The following EGFR variants were observed in gnomAD, a reference collection of about 807,000 sequenced individuals.
The protein encoded by EGFR is epidermal growth factor receptor.
In EGFR, 58 loss-of-function variants were observed where a neutral mutation model predicts 143.0. That is an observed-to-expected ratio of 0.41 (90% CI 0.33 to 0.50). The LOEUF (loss-of-function observed/expected upper bound fraction) is 0.50, where lower values mean the gene tolerates loss of function less well. Among genes scored for constraint, EGFR ranks in the 20% least tolerant of loss-of-function variants. The pLI is 0.39. For missense variants in EGFR, 1,307 were observed against 1,579.0 expected, an observed-to-expected ratio of 0.83 and a Z score of 2.92; for synonymous variants, 613 against 594.4, an observed-to-expected ratio of 1.03 and a Z score of -0.45.
chr7:55,153,206 C>G (rs1356785775), intron 6 of EGFR, among the ~76,000 whole-genome samples: 9 of 152,234 alleles, frequency 5.9e-5, no homozygotes, highest in African/African-American at 2.2e-4. Flanking sequence ...CTGAGCTGCA[C>G]CCTGCCCTCA....
At chr7:55,193,798 CT>C (rs2128966137) in intron 22 of EGFR, among the ~76,000 whole-genome samples, 2 of 152,246 alleles carry the variant, frequency 1.3e-5, no homozygotes, top group Middle Eastern at 3.4e-3. Flanking sequence ...GGATATCGTC[CT>C]TTTTTACTTA....
rs565519908 is a variant in EGFR, at chr7:55,170,818, T to C, written c.1881-357T>C. ...TAATTAGCATGGCCCCAGTCCATGC[T>C]TCTAGCCTTGGTTCCTTCTGCCCCT... On this transcript the variant is annotated intron_variant, in intron 15 of 27. Transcript: ENST00000275493. 3 of 1,419,998 alleles carry C rather than the reference T, an allele frequency of 2.1e-6. No homozygotes were observed. The African/African-American group carries it at 4.3e-5, about 20-fold the overall frequency. 88.0% of individuals were successfully genotyped at this position (1,419,998 alleles called of 1,614,324 possible). A position where few individuals can be genotyped will look rare whatever the true frequency, so the allele number is the denominator to read the frequency against.
At chr7:55,025,830 T>G (rs950884570) in intron 1 of EGFR, among the ~76,000 whole-genome samples, 2 of 152,224 alleles carry the variant, frequency 1.3e-5, no homozygotes, top group African/African-American at 4.8e-5. Flanking sequence ...TATCAGCAAC[T>G]GGTAATATAA....
At chr7:55,192,893 T>C in intron 22 of EGFR, 52 bp downstream of exon 22, 1 of 1,482,600 alleles carries the variant, frequency 6.7e-7, no homozygotes, top group African/African-American at 1.4e-5. Flanking sequence ...AAGCTGGCTT[T>C]TATTGTTAGT....
At chr7:55,181,208 T>C (rs2128958013) in intron 19 of EGFR, 85 bp from the exon 20 acceptor site, 1 of 1,493,150 alleles carries the variant, frequency 6.7e-7, no homozygotes, top group Admixed American at 1.7e-5. Flanking sequence ...ATCGCATTCA[T>C]GCGTCTTCAC....
At chr7:55,105,698 C>T (rs1792087758) in intron 1 of EGFR, among the ~76,000 whole-genome samples, 1 of 152,190 alleles carries the variant, frequency 6.6e-6, no homozygotes, top group Admixed American at 6.5e-5. Flanking sequence ...CAGGGTGAAT[C>T]ACAAAACATC....
intron 20 of EGFR, among the ~76,000 whole-genome samples, chr7:55,186,083 A>G (rs1787123883): frequency 6.6e-6 from 1 of 152,194 alleles, no homozygotes; most frequent in Admixed American, 6.5e-5. Context: ...TGGTGGTGCC[A>G]GCACATTCCA....
chr7:55,191,073 C>A (rs1195086743), intron 20 of EGFR, among the ~76,000 whole-genome samples: 4 of 152,188 alleles, frequency 2.6e-5, no homozygotes, highest in Non-Finnish European at 5.9e-5. Flanking sequence ...CTGCTTCTCA[C>A]ATATTATTCC....
chr7:55,070,760 A>G (rs1471918614), intron 1 of EGFR, among the ~76,000 whole-genome samples: 1 of 152,154 alleles, frequency 6.6e-6, no homozygotes, highest in Non-Finnish European at 1.5e-5. Flanking sequence ...CACATCCTAG[A>G]GCTTGGATTT....
At chr7:55,138,021 G>A (rs961368953) in intron 1 of EGFR, among the ~76,000 whole-genome samples, 2 of 152,168 alleles carry the variant, frequency 1.3e-5, no homozygotes, top group Admixed American at 1.3e-4. Context: ...TCTGGTTAGT[G>A]ATATACCAAT....
chr7:55,088,559 T>C (rs956003780), intron 1 of EGFR, among the ~76,000 whole-genome samples: 3 of 152,224 alleles, frequency 2.0e-5, no homozygotes, highest in African/African-American at 7.2e-5. Context: ...GCCTGGCACA[T>C]GCTTGTGTTA....
At chr7:55,189,614 TAGAG>T (rs1190361758) in intron 20 of EGFR, among the ~76,000 whole-genome samples, 5 of 152,252 alleles carry the variant, frequency 3.3e-5, no homozygotes, top group Admixed American at 1.3e-4. Flanking sequence ...GCATTTTAAA[TAGAG>T]AGGGAGAAAG....
intron 1 of EGFR, among the ~76,000 whole-genome samples, chr7:55,075,955 C>T (rs190982575): frequency 7.9e-5 from 12 of 152,256 alleles, no homozygotes; most frequent in Admixed American, 5.2e-4. Flanking sequence ...GCAAGCACAT[C>T]GCGTGGAAAT....
chr7:55,042,081 T>C (rs1787929459), intron 1 of EGFR, among the ~76,000 whole-genome samples: 1 of 152,136 alleles, frequency 6.6e-6, no homozygotes, highest in Admixed American at 6.6e-5. Context: ...ATCTTCTGAG[T>C]CCCCTTAGTA....
chr7:55,085,776 A>AT (rs1437473181), intron 1 of EGFR, among the ~76,000 whole-genome samples: 1 of 152,170 alleles, frequency 6.6e-6, no homozygotes, highest in Non-Finnish European at 1.5e-5. Context: ...GGCACTAGGT[A>AT]TTTTACACAT....
At chr7:55,043,215 G>A (rs1394926806) in intron 1 of EGFR, among the ~76,000 whole-genome samples, 1 of 152,242 alleles carries the variant, frequency 6.6e-6, no homozygotes, top group East Asian at 1.9e-4. Context: ...GAATGTTAAG[G>A]TCTAAACCAG....
chr7:55,155,483 G>A (rs6950826), intron 7 of EGFR, among the ~76,000 whole-genome samples: 80,413 of 151,948 alleles, frequency 0.53, 21,489 homozygotes, highest in African/African-American at 0.58. Context: ...TAAAAATAAC[G>A]CAGAAGTCTG....
intron 12 of EGFR, among the ~76,000 whole-genome samples, chr7:55,161,236 T>C (rs1785682046): frequency 6.6e-6 from 1 of 152,202 alleles, no homozygotes; most frequent in African/African-American, 2.4e-5. Context: ...CCAGGGTGCC[T>C]GGCTCCCACC....
At chr7:55,064,899 C>G (rs1159670276) in intron 1 of EGFR, among the ~76,000 whole-genome samples, 1 of 152,176 alleles carries the variant, frequency 6.6e-6, no homozygotes, top group Non-Finnish European at 1.5e-5. Flanking sequence ...ATACCAATAG[C>G]CCAAGAGATG....
Sources: allele counts gnomAD v4.1 joint callset (sites outside exome capture counted in the v4.1 genomes callset), GRCh38; gene constraint gnomAD v4.1.1; transcripts MANE v1.5; gene names NCBI Gene and HGNC (gene_info 2026-07-23, HGNC 2026-07-21).